The following BRINP1 variants were observed in gnomAD, a reference collection of about 807,000 sequenced individuals.
BRINP1 encodes BMP/retinoic acid inducible neural specific 1.
In BRINP1, 17 loss-of-function variants were observed where a neutral mutation model predicts 72.9. The observed-to-expected ratio is 0.23, with a 90% CI of 0.16 to 0.35. The LOEUF (loss-of-function observed/expected upper bound fraction) is 0.35, where lower values mean the gene tolerates loss of function less well. Ranked by LOEUF, BRINP1 falls within the 10% of genes least tolerant of loss-of-function variation. The probability of loss-of-function intolerance (pLI) is 1.00; values close to 1 mark genes in which losing one functional copy is unlikely to be tolerated. For synonymous variants in BRINP1, 418 were observed against 378.5 expected (o/e 1.10, Z -1.21); for missense variants, 850 against 1,001.6 (o/e 0.85, Z 2.04).
chr9:119,186,288 C>T (rs1045629439), intron 7 of BRINP1, among the ~76,000 whole-genome samples: 1 of 152,198 alleles, frequency 6.6e-6, no homozygotes, highest in Admixed American at 6.5e-5. Flanking sequence ...TGCAATTTGG[C>T]ACCCTGCCCC....
intron 5 of BRINP1, among the ~76,000 whole-genome samples, chr9:119,214,454 T>C (rs1377747393): frequency 6.6e-6 from 1 of 152,222 alleles, no homozygotes. Flanking sequence ...TTTCCATTTG[T>C]GGAGAAAACT....
intron 1 of BRINP1, among the ~76,000 whole-genome samples, chr9:119,319,450 A>G (rs900671141): frequency 6.6e-6 from 1 of 152,192 alleles, no homozygotes; most frequent in African/African-American, 2.4e-5. Context: ...ATTAATGGAA[A>G]TGGATATTTT....
At chr9:119,333,462 C>CAAAAAAAA (rs544546221) in intron 1 of BRINP1, among the ~76,000 whole-genome samples, 1 of 67,956 alleles carries the variant, frequency 1.5e-5, no homozygotes, top group Admixed American at 1.7e-4. Flanking sequence ...GACCTTGTTT[C>CAAAAAAAA]AAAAAAAAAA....
chr9:119,242,154 T>G lies in BRINP1; in HGVS notation c.472A>C (p.Thr158Pro), dbSNP rs749130188. ...SRLDRKSGNATQSVEALHQLA... is the reference protein window; with the variant it reads ...SRLDRKSGNAPQSVEALHQLA... Reference sequence around the variant, plus strand: ...TGGTGCAGAGCTTCAACACTTTGAGTGGCATTCCCTGACTTCCTGTCGAGG... The same window carrying G: ...TGGTGCAGAGCTTCAACACTTTGAGGGGCATTCCCTGACTTCCTGTCGAGG... Residue 158 changes from threonine (T) to proline (P), a missense_variant, in exon 4 of 8, where the codon ACT (threonine) becomes CCT (proline). Transcript: ENST00000265922. 3 of 1,614,076 alleles carry G rather than the reference T, an allele frequency of 1.9e-6. No individual in the cohort carries two copies. In the Admixed American group the frequency reaches 5.0e-5, roughly 27 times the overall value.
intron 1 of BRINP1, among the ~76,000 whole-genome samples, chr9:119,325,840 A>G (rs1831234322): frequency 6.6e-6 from 1 of 152,078 alleles, no homozygotes; most frequent in African/African-American, 2.4e-5. Flanking sequence ...CCATGCTTCC[A>G]CACCCCATCC....
At chr9:119,209,527 A>G (rs1200976123) in intron 6 of BRINP1, among the ~76,000 whole-genome samples, 3 of 149,776 alleles carry the variant, frequency 2.0e-5, no homozygotes, top group Admixed American at 1.3e-4. Flanking sequence ...AGACTGCACC[A>G]CTGCACTCCA....
chr9:119,315,111 T>A (rs1831112166), intron 1 of BRINP1, among the ~76,000 whole-genome samples: 1 of 152,228 alleles, frequency 6.6e-6, no homozygotes, highest in Non-Finnish European at 1.5e-5. Flanking sequence ...TCATTTTCTG[T>A]AACTGCATTT....
In BRINP1 at chr9:119,358,659, A is replaced by G. The variant is rs557265274; in HGVS notation, c.-51+10397T>C. On this transcript the variant is annotated intron_variant, in intron 1 of 7. Coordinates refer to ENST00000265922, the MANE Select transcript of BRINP1 (RefSeq NM_014618.3). ...CAGTGAGCTGGGATCACACCACTGC[A>G]CTCCAGCGTGGGCGACAGAGCGAGA... Among the ~76,000 whole-genome samples the G allele has an allele frequency of 2.0e-5, 3 of 152,236 alleles. No homozygotes were observed. The South Asian group carries it at 6.2e-4, about 32-fold the overall frequency.
At chr9:119,324,809 C>A (rs1225422999) in intron 1 of BRINP1, among the ~76,000 whole-genome samples, 3 of 152,036 alleles carry the variant, frequency 2.0e-5, no homozygotes, top group African/African-American at 4.8e-5. Context: ...TTCTAGAAAA[C>A]CTTGGAATGG....
intron 7 of BRINP1, among the ~76,000 whole-genome samples, chr9:119,170,158 A>C (rs1354928161): frequency 5.9e-5 from 9 of 152,118 alleles, no homozygotes; most frequent in Non-Finnish European, 1.2e-4. Flanking sequence ...TGAGAGAAGA[A>C]GGCTTCAGAC....
intron 7 of BRINP1, among the ~76,000 whole-genome samples, chr9:119,204,794 G>T (rs1437911361): frequency 6.6e-6 from 1 of 152,202 alleles, no homozygotes; most frequent in Non-Finnish European, 1.5e-5. Context: ...TGAGGTGCAG[G>T]ACTTACATAA....
intron 2 of BRINP1, among the ~76,000 whole-genome samples, chr9:119,294,384 G>A (rs982412380): frequency 2.8e-4 from 43 of 151,978 alleles, no homozygotes; most frequent in Middle Eastern, 3.4e-3. Flanking sequence ...AAAACTAGCT[G>A]GGCGTGTTGG....
intron 2 of BRINP1, among the ~76,000 whole-genome samples, chr9:119,277,313 A>G (rs1056428884): frequency 2.0e-5 from 3 of 152,170 alleles, no homozygotes; most frequent in Non-Finnish European, 4.4e-5. Context: ...TGAAATCTCC[A>G]TGAAGGACGC....
intron 7 of BRINP1, among the ~76,000 whole-genome samples, chr9:119,194,520 T>C (rs1200425834): frequency 5.9e-5 from 9 of 152,306 alleles, no homozygotes; most frequent in Non-Finnish European, 2.9e-5. Context: ...CCTAATCCAA[T>C]CAGATGTGTC....
intron 3 of BRINP1, 86 bp downstream of exon 3, chr9:119,248,874 G>C: frequency 6.0e-6 from 7 of 1,175,470 alleles, no homozygotes; most frequent in African/African-American, 3.0e-5. Context: ...AGCTAAGAAG[G>C]CTTTGCTGTT....
At chr9:119,325,411 G>A (rs1032250669) in intron 1 of BRINP1, among the ~76,000 whole-genome samples, 6 of 151,962 alleles carry the variant, frequency 3.9e-5, no homozygotes, top group Admixed American at 6.6e-5. Context: ...CACCCTATTC[G>A]GCCATTGCCA....
chr9:119,208,742 G>A lies in BRINP1; in HGVS notation c.1122C>T (p.Pro374=). 5.0e-6 allele frequency: 8 copies of A among 1,613,274 alleles called. No individual in the cohort carries two copies. Among genetic ancestry groups the A allele is most frequent in the Non-Finnish European group, 6.8e-6 (8 of 1,180,018 alleles). Residue 374 remains proline, a synonymous_variant, in exon 7 of 8, where the codon CCC becomes CCT. Transcript: ENST00000265922. ...ACCTCTCTCTAGGCAGCTGGTGGTT[G>A]GGATTGTGGCGACAGCGTACACTGA... ...FGLSVRCRHN[P]NHQLPRERTI...
At chr9:119,326,971 T>C (rs1438146901) in intron 1 of BRINP1, among the ~76,000 whole-genome samples, 10 of 152,252 alleles carry the variant, frequency 6.6e-5, no homozygotes, top group Admixed American at 6.5e-4. Flanking sequence ...GAGAAGCATG[T>C]GAAATGGCAT....
At chr9:119,175,866 A>G (rs548970713) in intron 7 of BRINP1, among the ~76,000 whole-genome samples, 6 of 151,836 alleles carry the variant, frequency 4.0e-5, no homozygotes, top group Non-Finnish European at 8.8e-5. Flanking sequence ...ATTCACTCCA[A>G]TTTTCTCGCT....
Sources: allele counts gnomAD v4.1 joint callset (sites outside exome capture counted in the v4.1 genomes callset), GRCh38; gene constraint gnomAD v4.1.1; transcripts MANE v1.5; gene names NCBI Gene and HGNC (gene_info 2026-07-23, HGNC 2026-07-21).